The following EPHB6 variants were observed in gnomAD, a reference collection of about 807,000 sequenced individuals.
The protein encoded by EPHB6 is ephrin type-B receptor 6.
Under a neutral mutation model 107.0 loss-of-function variants are expected in EPHB6, and 51 were observed. The ratio of observed to expected loss-of-function variants is 0.48; its 90% CI spans 0.38 to 0.60. The LOEUF (loss-of-function observed/expected upper bound fraction) is 0.60. EPHB6 is among the 20% of genes least tolerant of loss of function. The pLI, the probability that EPHB6 is intolerant of heterozygous loss-of-function variation, is 0.00. For synonymous variants in EPHB6, 553 were observed against 549.0 expected (o/e 1.01, Z -0.10); for missense variants, 1,141 against 1,355.5 (o/e 0.84, Z 2.48).
rs779720393 is a variant in EPHB6, at chr7:142,868,679, C to G, written c.2226C>G (p.Ser742Arg). The change falls in exon 15 of 20, where the codon AGC becomes AGG. Residue 742 changes from serine to arginine, a missense_variant. Around this residue, in one of 3 missense-constraint regions of EPHB6, gnomAD observed 616 missense variants for 759.3 expected, o/e 0.81. Transcript: ENST00000652003. This position sits in a 1 kb window ranked among gnomAD's most constrained non-coding sequence, Gnocchi z 4.2. ...GGCTGGAGGGCGTGGTCACCAAGAGCCGACCCCTCATGGTGCTGACGGAGT... is the reference window on the plus strand; with the variant it reads ...GGCTGGAGGGCGTGGTCACCAAGAGGCGACCCCTCATGGTGCTGACGGAGT... ...ILRLEGVVTKSRPLMVLTEFM... is the reference protein window; with the variant it reads ...ILRLEGVVTKRRPLMVLTEFM... 5 of 1,613,838 alleles carry G rather than the reference C, an allele frequency of 3.1e-6. No individual in the cohort carries two copies. Among genetic ancestry groups the G allele is most frequent in the Non-Finnish European group, 4.2e-6 (5 of 1,180,036 alleles).
chr7:142,860,262 G>C (rs568281419), intron 1 of EPHB6, among the ~76,000 whole-genome samples: 3 of 152,330 alleles, frequency 2.0e-5, no homozygotes, highest in Admixed American at 2.0e-4. Flanking sequence ...GTGAAAGAAA[G>C]AGACTATTTT....
rs372539027 is a variant in EPHB6, at chr7:142,868,947, C to T, written c.2287-27C>T. The T allele has an allele frequency of 1.9e-6, 3 of 1,603,988 alleles. No individual in the cohort carries two copies. The highest frequency in any genetic ancestry group is 2.5e-6 in the Non-Finnish European group (3 of 1,179,400). On this transcript the variant is annotated intron_variant, in intron 15 of 19. Transcript: ENST00000652003. The surrounding 1 kb of genome is among the most constrained non-coding windows in gnomAD (Gnocchi z 4.2). ...GTCTCCCCCTGTCTCCGATCACTGA[C>T]CTCTGCCCCCTGCCCCTTCCCCTCA...
Position 142,869,926 on chromosome 7 carries a change from G to A in EPHB6, c.2570G>A (p.Ser857Asn), listed in dbSNP as rs2116485489. The A allele has an allele frequency of 2.5e-6, 4 of 1,614,198 alleles. No homozygotes were observed. The highest frequency in any genetic ancestry group is 2.5e-6 in the Non-Finnish European group (3 of 1,180,040). The change falls in exon 17 of 20, where the codon AGT (serine) becomes AAT (asparagine). Residue 857 changes from serine (S) to asparagine (N), a missense_variant. Physicochemically the swap from Ser to Asn is conservative, Grantham distance 46. Coordinates refer to ENST00000652003, the MANE Select transcript of EPHB6 (RefSeq NM_004445.6). The surrounding 1 kb of genome is among the most constrained non-coding windows in gnomAD (Gnocchi z 4.5). ...GGGATACTCATGTGGGAAGTGATGA[G>A]TTATGGAGAACGGCCTTACTGGGAC... ...SFGILMWEVM[S>N]YGERPYWDMS...
intron 1 of EPHB6, among the ~76,000 whole-genome samples, chr7:142,859,226 C>T (rs1255201737): frequency 6.6e-6 from 1 of 152,224 alleles, no homozygotes; most frequent in African/African-American, 2.4e-5. Context: ...GCAGAGGCTG[C>T]TTCCCATCTC....
At chr7:142,865,173 C>A (rs1457983967) in intron 7 of EPHB6, among the ~76,000 whole-genome samples, 1 of 152,180 alleles carries the variant, frequency 6.6e-6, no homozygotes, top group Admixed American at 6.5e-5. Flanking sequence ...ATGACTGCAG[C>A]AGCAGGCCTC....
intron 1 of EPHB6, among the ~76,000 whole-genome samples, chr7:142,859,943 T>G (rs1229405336): frequency 6.6e-6 from 1 of 152,206 alleles, no homozygotes; most frequent in African/African-American, 2.4e-5. Flanking sequence ...GTGTTGTCAT[T>G]ACGAGGCATG....
At chr7:142,861,354 T>C (rs1003856244) in intron 2 of EPHB6, among the ~76,000 whole-genome samples, 168 bp downstream of exon 2, 2 of 152,210 alleles carry the variant, frequency 1.3e-5, no homozygotes, top group Non-Finnish European at 2.9e-5. Context: ...CCTATAGTTT[T>C]AAAGAAAATT....
At chr7:142,858,647 C>T (rs1160160212) in intron 1 of EPHB6, among the ~76,000 whole-genome samples, 1 of 147,706 alleles carries the variant, frequency 6.8e-6, no homozygotes, top group South Asian at 2.1e-4. Flanking sequence ...GGGGTTTCAC[C>T]GTGTTAGCCA....
At position 142,866,410 on chromosome 7, in the gene EPHB6, G is replaced by T. The variant is rs951646508; in HGVS notation, c.1463-71G>T. 6.2e-7 allele frequency: 1 copy of T among 1,611,928 alleles called. No homozygotes were observed. The highest frequency in any genetic ancestry group is 1.1e-5 in the South Asian group (1 of 91,056). The stretch of plus-strand genomic sequence containing the variant: ...ATCTCCAGCCTGGTCCACCCCTGCC[G>T]CCCTCCCCTCAAGGCTGATCCTGCT... On this transcript the variant is annotated intron_variant, in intron 9 of 19. Coordinates refer to ENST00000652003, the MANE Select transcript of EPHB6 (RefSeq NM_004445.6). The surrounding 1 kb of genome is among the most constrained non-coding windows in gnomAD (Gnocchi z 5.2).
Position 142,867,923 on chromosome 7 carries a change from T to G in EPHB6, c.1866-74T>G, listed in dbSNP as rs1794691447. 3.2e-6 allele frequency: 5 copies of G among 1,544,476 alleles called. No individual in the cohort carries two copies. The South Asian group carries it at 4.8e-5, about 15-fold the overall frequency. On this transcript the variant is annotated intron_variant, in intron 12 of 19. Transcript: ENST00000652003. This position sits in a 1 kb window ranked among gnomAD's most constrained non-coding sequence, Gnocchi z 5.3. ...CCTCCACAGACCGACTAAAGAGCAG[T>G]CTGGAGGGTGACAAGGGGGCAGCAA...
chr7:142,867,108 C>G lies in EPHB6; in HGVS notation c.1750+40C>G. ...AGGGCCAGATGGGCAGGTGAAGGCC[C>G]AAGTGGGTAGTGAGGAGAGGCCCAG... On this transcript the variant is annotated intron_variant, in intron 11 of 19. Coordinates refer to ENST00000652003, the MANE Select transcript of EPHB6 (RefSeq NM_004445.6). This position sits in a 1 kb window ranked among gnomAD's most constrained non-coding sequence, Gnocchi z 5.3. 6.2e-7 allele frequency: 1 copy of G among 1,603,022 alleles called. No individual in the cohort carries two copies. Among genetic ancestry groups the G allele is most frequent in the Non-Finnish European group, 8.5e-7 (1 of 1,176,880 alleles).
rs1320572264 is a variant in EPHB6, at chr7:142,864,596, C to T, written c.796C>T (p.His266Tyr). 6.2e-7 allele frequency: 1 copy of T among 1,612,868 alleles called. No homozygotes were observed. Among genetic ancestry groups the T allele is most frequent in the Admixed American group, 1.7e-5 (1 of 60,018 alleles). Residue 266 changes from histidine to tyrosine, a missense_variant, in exon 7 of 20, where the codon CAT becomes TAT. Around this residue, in one of 3 missense-constraint regions of EPHB6, gnomAD observed 304 missense variants for 295.7 expected, o/e 1.03. Coordinates refer to ENST00000652003, the MANE Select transcript of EPHB6 (RefSeq NM_004445.6). ...LVAAVGTCVA[H>Y]AEPEEDGVGG... The stretch of plus-strand genomic sequence containing the variant: ...GGCAGCTGTGGGCACCTGTGTGGCT[C>T]ATGCAGAGCCAGAGGAGGATGGAGT...
At position 142,866,025 on chromosome 7, in the gene EPHB6, C is replaced by A. The variant is rs983626270; in HGVS notation, c.1171C>A (p.Arg391Ser). 2 of 1,613,708 alleles carry A rather than the reference C, an allele frequency of 1.2e-6. No individual in the cohort carries two copies. The highest frequency in any genetic ancestry group is 1.1e-5 in the South Asian group (1 of 90,992). Residue 391 changes from arginine (R) to serine (S), a missense_variant, in exon 9 of 20, where the codon CGC becomes AGC. Transcript: ENST00000652003. This position sits in a 1 kb window ranked among gnomAD's most constrained non-coding sequence, Gnocchi z 5.2. Reference protein sequence around the residue: ...VQGSALMLHWRLPRELGGRGD... With the variant: ...VQGSALMLHWSLPRELGGRGD... ...AGGCTCAGCACTCATGCTACACTGG[C>A]GCCTGCCTCGGGAGCTGGGGGGTCG...
At position 142,863,744 on chromosome 7, in the gene EPHB6, C is replaced by T. The variant is rs953683123; in HGVS notation, c.165+49C>T. On this transcript the variant is annotated intron_variant, in intron 6 of 19. Coordinates refer to ENST00000652003, the MANE Select transcript of EPHB6 (RefSeq NM_004445.6). ...CCTGAATCCCTTGGCCCTGCCCCTC[C>T]CTGTTCCCTGGAGAGTGGAATTCAT... 13 of 1,593,370 alleles carry T rather than the reference C, an allele frequency of 8.2e-6. No individual in the cohort carries two copies. In the African/African-American group the frequency reaches 1.1e-4, roughly 13 times the overall value.
rs368190559 is a variant in EPHB6, at chr7:142,864,198, G to A, written c.398G>A (p.Arg133His). ...TCRETFTLYY[R>H]QAEEPDSPDS... ...CGGGAGACCTTCACCCTTTACTACCGTCAGGCTGAGGAGCCCGACAGCCCT... is the reference window on the plus strand; with the variant it reads ...CGGGAGACCTTCACCCTTTACTACCATCAGGCTGAGGAGCCCGACAGCCCT... Residue 133 changes from arginine to histidine, a missense_variant, in exon 7 of 20, where the codon CGT becomes CAT. Arg to His is a conservative substitution (Grantham distance 29). Coordinates refer to ENST00000652003, the MANE Select transcript of EPHB6 (RefSeq NM_004445.6). 2.1e-5 allele frequency: 34 copies of A among 1,613,720 alleles called. No homozygotes were observed. Among genetic ancestry groups the A allele is most frequent in the African/African-American group, 1.2e-4 (9 of 74,944 alleles).
rs766335944 is a variant in EPHB6 at position 142,867,712 on chromosome 7, G to A, written c.1855G>A (p.Val619Ile). 29 of 1,610,818 alleles carry A rather than the reference G, an allele frequency of 1.8e-5. No individual in the cohort carries two copies. The highest frequency in any genetic ancestry group is 2.2e-5 in the South Asian group (2 of 90,376). ...LLAAITVLAV[V>I]FQRKRRGTGY... is the part of the protein sequence containing the mutation. ...GGCAGCCATCACCGTGCTGGCGGTC[G>A]TCTTCCAGCGGTGAGTCCCCACCCC... The change falls in exon 12 of 20, where the codon GTC becomes ATC. Residue 619 changes from valine (V) to isoleucine (I), a missense_variant. By Grantham distance (29) the Val-to-Ile change is conservative (BLOSUM62 3). This residue lies in a region of EPHB6 where 616 missense variants were observed against 759.3 expected (regional missense o/e 0.81). Transcript: ENST00000652003. The surrounding 1 kb of genome is among the most constrained non-coding windows in gnomAD (Gnocchi z 5.3).
At chr7:142,863,923 T>A (rs1006961333) in intron 6 of EPHB6, 43 bp from the exon 7 acceptor site, 1 of 1,613,916 alleles carries the variant, frequency 6.2e-7, no homozygotes, top group African/African-American at 1.3e-5. Context: ...CTCGCCGTGC[T>A]TAAGCCCGGA....
At position 142,870,229 on chromosome 7, in the gene EPHB6, GAGC is replaced by G. The variant is rs775153765; in HGVS notation, c.2629_2631del (p.Gln877del). ...TGACCCCCAGGTACTAAATGCAATAGAGCAGGAGTTCCGGCTGCCCCCGCCTCC... is the reference window on the plus strand; with the variant it reads ...TGACCCCCAGGTACTAAATGCAATAGAGGAGTTCCGGCTGCCCCCGCCTCC... On this transcript the variant is annotated inframe_deletion, in exon 18 of 20. Transcript: ENST00000652003. 1.2e-6 allele frequency: 2 copies of G among 1,614,166 alleles called. No individual in the cohort carries two copies. The highest frequency in any genetic ancestry group is 1.7e-6 in the Non-Finnish European group (2 of 1,180,040).
rs1376834232 is a variant in EPHB6 at position 142,868,888 on chromosome 7, T to C, written c.2287-86T>C. ...ATTTTCTGATTCGACACCCTCCCGCTCTCATGCTGTTGTCTGCTATGCAGT... is the reference window on the plus strand; with the variant it reads ...ATTTTCTGATTCGACACCCTCCCGCCCTCATGCTGTTGTCTGCTATGCAGT... On this transcript the variant is annotated intron_variant, in intron 15 of 19. Coordinates refer to ENST00000652003, the MANE Select transcript of EPHB6 (RefSeq NM_004445.6). The surrounding 1 kb of genome is among the most constrained non-coding windows in gnomAD (Gnocchi z 4.2). 1.3e-6 allele frequency: 2 copies of C among 1,585,660 alleles called. No individual in the cohort carries two copies. Among genetic ancestry groups the C allele is most frequent in the Non-Finnish European group, 1.7e-6 (2 of 1,168,436 alleles).
Sources: allele counts gnomAD v4.1 joint callset (sites outside exome capture counted in the v4.1 genomes callset), GRCh38; gene constraint gnomAD v4.1.1; regional missense constraint gnomAD v4.1.1; non-coding constraint Gnocchi (gnomAD v3.1); transcripts MANE v1.5; gene names NCBI Gene and HGNC (gene_info 2026-07-23, HGNC 2026-07-21).